The following CARS2 variants were observed in gnomAD, a reference collection of about 807,000 sequenced individuals.
CARS2 encodes the protein probable cysteine--tRNA ligase, mitochondrial.
CARS2 carries 52 observed loss-of-function variants against 68.8 expected under a neutral mutation model. The ratio of observed to expected loss-of-function variants is 0.76; its 90% CI spans 0.61 to 0.95. The LOEUF (loss-of-function observed/expected upper bound fraction) is 0.95, where lower values mean the gene tolerates loss of function less well. Among genes scored for constraint, CARS2 ranks in the 40% least tolerant of loss-of-function variants. CARS2 has a pLI of 0.00. For missense variants in CARS2, 780 were observed against 754.2 expected (o/e 1.03, Z -0.40); for synonymous variants, 314 against 303.6 (o/e 1.03, Z -0.36).
chr13:110,673,234 C>A (rs2062850705), intron 7 of CARS2, among the ~76,000 whole-genome samples: 1 of 152,164 alleles, frequency 6.6e-6, no homozygotes, highest in Admixed American at 6.5e-5. Flanking sequence ...CATCCTGATA[C>A]CAAAACCTGG....
At chr13:110,691,427 T>C (rs76166228) in intron 3 of CARS2, among the ~76,000 whole-genome samples, 13,834 of 152,298 alleles carry the variant, frequency 0.091, 828 homozygotes, top group Middle Eastern at 0.14. Context: ...CTGTCATTTT[T>C]ATACTTAGCA....
intron 7 of CARS2, among the ~76,000 whole-genome samples, chr13:110,673,555 G>T (rs994653409): frequency 1.3e-5 from 2 of 151,992 alleles, no homozygotes; most frequent in Non-Finnish European, 2.9e-5. Context: ...GTATTGATGG[G>T]GCGTATCTCA....
chr13:110,672,223 C>T (rs1200189854), intron 7 of CARS2, among the ~76,000 whole-genome samples: 2 of 152,214 alleles, frequency 1.3e-5, no homozygotes, highest in African/African-American at 2.4e-5. Flanking sequence ...ACCTAATAGA[C>T]ATCTACAGAA....
At position 110,670,109 on chromosome 13, in the gene CARS2, C is replaced by T. The variant is rs1253590263; in HGVS notation, c.786-2636G>A. 1.3e-5 allele frequency among the ~76,000 whole-genome samples: 2 copies of T among 152,196 alleles called. No homozygotes were observed. The highest frequency in any genetic ancestry group is 4.8e-5 in the African/African-American group (2 of 41,450). On this transcript the variant is annotated intron_variant, in intron 7 of 14. Transcript: ENST00000257347. The surrounding 1 kb of genome is among the most constrained non-coding windows in gnomAD (Gnocchi z 4.1). The stretch of plus-strand genomic sequence containing the variant: ...CTACAGCTCAAGGAGGCCTGCCCAC[C>T]TCTGTAGACTCCACCTCTGGGGACA...
chr13:110,641,588 G>A lies in CARS2; in HGVS notation c.1644C>T (p.Ser548=), dbSNP rs1456791733. 1 of 1,613,822 alleles carries A rather than the reference G, an allele frequency of 6.2e-7. No homozygotes were observed. Among genetic ancestry groups the A allele is most frequent in the African/African-American group, 1.3e-5 (1 of 74,934 alleles). ...TCCTTTGATCCAGCAGTTCCCACGT[G>A]GATGTTGTACTGCTTCTGTCCTGGA... The part of the protein sequence containing the change: ...INIKDRSSTT[S]TWELLDQRTK... Residue 548 remains serine (S), a synonymous_variant, in exon 15 of 15, where the codon TCC becomes TCT. Coordinates refer to ENST00000257347, the MANE Select transcript of CARS2 (RefSeq NM_024537.4).
intron 7 of CARS2, among the ~76,000 whole-genome samples, chr13:110,669,541 A>G (rs2062743792): frequency 6.6e-6 from 1 of 152,222 alleles, no homozygotes; most frequent in Admixed American, 6.5e-5. Context: ...GCTATCAAGT[A>G]TACTAAAATC....
chr13:110,664,186 T>C, intron 8 of CARS2: 1 of 985,386 alleles, frequency 1.0e-6, no homozygotes, highest in Non-Finnish European at 1.2e-6. Context: ...AGAAGACTCT[T>C]CCTCTTTTTC....
In CARS2 at chr13:110,668,042, C is replaced by T. The variant is rs1212979618; in HGVS notation, c.786-569G>A. Among the ~76,000 whole-genome samples, 1 of 152,196 alleles carries T rather than the reference C, an allele frequency of 6.6e-6. No homozygotes were observed. The highest frequency in any genetic ancestry group is 1.9e-4 in the East Asian group (1 of 5,194). On this transcript the variant is annotated intron_variant, in intron 7 of 14. Coordinates refer to ENST00000257347, the MANE Select transcript of CARS2 (RefSeq NM_024537.4). This position sits in a 1 kb window ranked among gnomAD's most constrained non-coding sequence, Gnocchi z 4.1. ...CCCACTCGAAGCTCTGTCCCTGGACCAGCTGCAGAAGCATGGCGACGCAGC... is the reference window on the plus strand; with the variant it reads ...CCCACTCGAAGCTCTGTCCCTGGACTAGCTGCAGAAGCATGGCGACGCAGC...
intron 10 of CARS2, among the ~76,000 whole-genome samples, chr13:110,647,659 G>A (rs1888328826): frequency 6.6e-6 from 1 of 152,276 alleles, no homozygotes; most frequent in South Asian, 2.1e-4. Context: ...GCCCTCCCGA[G>A]GGAAAGTGCC....
intron 7 of CARS2, among the ~76,000 whole-genome samples, chr13:110,671,450 T>G (rs930000580): frequency 1.3e-5 from 2 of 152,214 alleles, no homozygotes; most frequent in Non-Finnish European, 2.9e-5. Context: ...CAGAATTTCA[T>G]ATCCAGCCAA....
chr13:110,647,739 T>C (rs1172795781), intron 10 of CARS2, among the ~76,000 whole-genome samples: 2 of 152,234 alleles, frequency 1.3e-5, no homozygotes, highest in African/African-American at 4.8e-5. Context: ...AGTCTGTGGG[T>C]GTTTCTTAGG....
rs1594373407 is a variant in CARS2, at chr13:110,687,929, A to T, written c.465+18T>A. The T allele has an allele frequency of 6.2e-7, 1 of 1,605,302 alleles. No homozygotes were observed. Among genetic ancestry groups the T allele is most frequent in the Non-Finnish European group, 8.5e-7 (1 of 1,172,514 alleles). Reference sequence around the variant, plus strand: ...GCCTGTCACCCTCATGGCAGGAACAACCAGCCCCACACTTTACCTTCAGGG... The same window carrying T: ...GCCTGTCACCCTCATGGCAGGAACATCCAGCCCCACACTTTACCTTCAGGG... On this transcript the variant is annotated intron_variant, in intron 4 of 14. Coordinates refer to ENST00000257347, the MANE Select transcript of CARS2 (RefSeq NM_024537.4).
At chr13:110,656,751 GT>G (rs1392821032) in intron 9 of CARS2, among the ~76,000 whole-genome samples, 1 of 152,128 alleles carries the variant, frequency 6.6e-6, no homozygotes, top group Non-Finnish European at 1.5e-5. Context: ...AGGCGTGGTG[GT>G]GGGCGCCTGT....
chr13:110,701,994 G>T (rs368944787), intron 2 of CARS2, among the ~76,000 whole-genome samples: 3 of 152,138 alleles, frequency 2.0e-5, no homozygotes, highest in East Asian at 1.9e-4. Flanking sequence ...AGCCATATAA[G>T]ATTACTCCTA....
rs1007510520 is a variant in CARS2, at chr13:110,653,398, G to A, written c.988-2298C>T. On this transcript the variant is annotated intron_variant, in intron 9 of 14. Transcript: ENST00000257347. This position sits in a 1 kb window ranked among gnomAD's most constrained non-coding sequence, Gnocchi z 5.6. Reference sequence around the variant, plus strand: ...GCTTACTTGACACCCTCCCTCACCCGAGGTGCTGTGGTTCCAATTAACGCA... The same window carrying A: ...GCTTACTTGACACCCTCCCTCACCCAAGGTGCTGTGGTTCCAATTAACGCA... Among the ~76,000 whole-genome samples, 6 of 152,058 alleles carry A rather than the reference G, an allele frequency of 3.9e-5. No homozygotes were observed. The highest frequency in any genetic ancestry group is 1.5e-4 in the African/African-American group (6 of 41,372).
At chr13:110,693,588 T>C (rs189086607) in intron 3 of CARS2, among the ~76,000 whole-genome samples, 289 of 152,258 alleles carry the variant, frequency 1.9e-3, no homozygotes, top group Non-Finnish European at 3.7e-3. Flanking sequence ...CTCGATCTCC[T>C]GACCTCGTGA....
intron 5 of CARS2, among the ~76,000 whole-genome samples, chr13:110,685,865 A>G (rs1297435805): frequency 1.3e-5 from 2 of 152,102 alleles, no homozygotes; most frequent in Non-Finnish European, 2.9e-5. Flanking sequence ...CCACCAGACA[A>G]AGATTAGCAT....
chr13:110,683,051 C>G lies in CARS2; in HGVS notation c.655G>C (p.Ala219Pro), dbSNP rs727505361. ...GVVPGPVGEP[A>P]DSDKRHASDF... The stretch of plus-strand genomic sequence containing the variant: ...ACAGGGCTGAGCCCGGCCAACCCAC[C>G]TGGCTCTCCGACTGGACCAGGGACC... The change falls in exon 6 of 15, where the codon GCG becomes CCG. Residue 219 changes from alanine to proline, a missense_variant and splice_region_variant. By Grantham distance (27) the Ala-to-Pro change is conservative. Transcript: ENST00000257347. 6.3e-7 allele frequency: 1 copy of G among 1,598,238 alleles called. No individual in the cohort carries two copies. The highest frequency in any genetic ancestry group is 8.5e-7 in the Non-Finnish European group (1 of 1,174,640).
intron 1 of CARS2, chr13:110,713,020 C>G (rs754610235): frequency 1.3e-6 from 2 of 1,512,526 alleles, no homozygotes; most frequent in Non-Finnish European, 1.8e-6. Flanking sequence ...CAAAGGACAC[C>G]GAGAGGGTGC....
Sources: allele counts gnomAD v4.1 joint callset (sites outside exome capture counted in the v4.1 genomes callset), GRCh38; gene constraint gnomAD v4.1.1; non-coding constraint Gnocchi (gnomAD v3.1); transcripts MANE v1.5; gene names NCBI Gene and HGNC (gene_info 2026-07-23, HGNC 2026-07-21).